The following MAP4K5 variants were observed in gnomAD, a reference collection of about 807,000 sequenced individuals.
MAP4K5 encodes the protein MAPK/ERK kinase kinase kinase 5.
MAP4K5 carries 82 observed loss-of-function variants against 135.6 expected under a neutral mutation model. The observed-to-expected ratio is 0.60, with a 90% CI of 0.51 to 0.73. The LOEUF (loss-of-function observed/expected upper bound fraction) is 0.73, where lower values mean the gene tolerates loss of function less well. Ranked by LOEUF, MAP4K5 falls within the 30% of genes least tolerant of loss-of-function variation. The pLI is 0.00. For synonymous variants in MAP4K5, 347 were observed against 335.0 expected (o/e 1.04, Z -0.39); for missense variants, 907 against 1,010.9 (o/e 0.90, Z 1.39).
At chr14:50,507,162 C>T (rs771184985) in intron 2 of MAP4K5, among the ~76,000 whole-genome samples, 1 of 152,188 alleles carries the variant, frequency 6.6e-6, no homozygotes, top group African/African-American at 2.4e-5. Context: ...TTTGCAGGAA[C>T]TTTCATATAC....
chr14:50,546,996 C>T (rs762103569), intron 1 of MAP4K5, among the ~76,000 whole-genome samples: 12 of 151,984 alleles, frequency 7.9e-5, no homozygotes, highest in Admixed American at 3.3e-4. Flanking sequence ...TAGCCCCCCA[C>T]CCCCCAACAG....
chr14:50,432,556 C>CAAAAAAA (rs56267301), intron 28 of MAP4K5, among the ~76,000 whole-genome samples: 1 of 139,910 alleles, frequency 7.1e-6, no homozygotes, highest in African/African-American at 3.0e-5. Flanking sequence ...ACAAAACTCT[C>CAAAAAAA]AAAAAAAAAA....
intron 31 of MAP4K5, 80 bp downstream of exon 31, chr14:50,425,825 CAG>C: frequency 1.1e-6 from 1 of 934,366 alleles, no homozygotes; most frequent in Admixed American, 2.1e-5. Context: ...AATGTAGGTT[CAG>C]AGAGGAAATG....
chr14:50,550,763 A>C (rs1197930450), intron 1 of MAP4K5, among the ~76,000 whole-genome samples: 1 of 152,262 alleles, frequency 6.6e-6, no homozygotes. Flanking sequence ...AAACTATACA[A>C]ATACATAGAA....
At chr14:50,481,230 T>G (rs1456185381) in intron 6 of MAP4K5, among the ~76,000 whole-genome samples, 2 of 151,330 alleles carry the variant, frequency 1.3e-5, no homozygotes, top group African/African-American at 4.8e-5. Flanking sequence ...TAGGTTTCTA[T>G]GTTATGTAAA....
At chr14:50,542,004 C>A in intron 2 of MAP4K5, among the ~76,000 whole-genome samples, 1 of 71,804 alleles carries the variant, frequency 1.4e-5, no homozygotes, top group African/African-American at 7.1e-5. Context: ...GAGATTCCGT[C>A]TCAAAAAAAA....
In MAP4K5 at chr14:50,501,372, T is replaced by G. The variant is rs376097486; in HGVS notation, c.166+3428A>C. On this transcript the variant is annotated intron_variant, in intron 3 of 32. Coordinates refer to ENST00000682126, the MANE Select transcript of MAP4K5 (RefSeq NM_006575.6). The stretch of plus-strand genomic sequence containing the variant: ...TCTCTGACAAAACTACAGAATTGTA[T>G]CTTACAAATTATCAGCAGTAAAAAT... 7.2e-5 allele frequency among the ~76,000 whole-genome samples: 11 copies of G among 152,186 alleles called. No homozygotes were observed. In the East Asian group the frequency reaches 7.7e-4, roughly 11 times the overall value.
At chr14:50,533,873 A>G (rs1313456253), upstream of MAP4K5, among the ~76,000 whole-genome samples, 1 of 152,246 alleles carries the variant, frequency 6.6e-6, no homozygotes, top group African/African-American at 2.4e-5. Context: ...CAGGGCATAT[A>G]TGTATTTTCT....
At chr14:50,475,602 G>A (rs1334034235) in intron 8 of MAP4K5, among the ~76,000 whole-genome samples, 1 of 152,074 alleles carries the variant, frequency 6.6e-6, no homozygotes, top group Non-Finnish European at 1.5e-5. Context: ...TGCTACTTGG[G>A]AGGATTAGGT....
chr14:50,476,652 G>C (rs2037106434), intron 6 of MAP4K5, among the ~76,000 whole-genome samples: 1 of 152,124 alleles, frequency 6.6e-6, no homozygotes, highest in Non-Finnish European at 1.5e-5. Flanking sequence ...AGTAGAGACG[G>C]GGTTTCACCA....
chr14:50,527,696 C>T (rs1287401005), intron 2 of MAP4K5, among the ~76,000 whole-genome samples: 2 of 152,050 alleles, frequency 1.3e-5, no homozygotes, highest in Admixed American at 6.6e-5. Context: ...CAAGAGACAT[C>T]TGTTTCTGTC....
chr14:50,490,736 G>C lies in MAP4K5; in HGVS notation c.167-4542C>G, dbSNP rs147820763. Reference sequence around the variant, plus strand: ...TATCTGGGGTCACCTTGAGGGGCTGGTCTTTGCTCCCAGTTTCACAGCTCT... The same window carrying C: ...TATCTGGGGTCACCTTGAGGGGCTGCTCTTTGCTCCCAGTTTCACAGCTCT... On this transcript the variant is annotated intron_variant, in intron 3 of 32. Coordinates refer to ENST00000682126, the MANE Select transcript of MAP4K5 (RefSeq NM_006575.6). 7.2e-5 allele frequency among the ~76,000 whole-genome samples: 11 copies of C among 152,280 alleles called. No individual in the cohort carries two copies. The East Asian group carries it at 2.1e-3, about 29-fold the overall frequency.
chr14:50,506,630 T>C lies in MAP4K5; in HGVS notation c.109-1773A>G, dbSNP rs1452029948. Among the ~76,000 whole-genome samples the C allele has an allele frequency of 2.0e-5, 3 of 152,240 alleles. No individual in the cohort carries two copies. The East Asian group carries it at 5.8e-4, about 29-fold the overall frequency. Reference sequence around the variant, plus strand: ...ATCTTGGCCTCCTGAAGTGCTGGGATTACAGTGAACCACCAGGCCTGGCAA... The same window carrying C: ...ATCTTGGCCTCCTGAAGTGCTGGGACTACAGTGAACCACCAGGCCTGGCAA... On this transcript the variant is annotated intron_variant, in intron 2 of 32. Transcript: ENST00000682126.
chr14:50,481,058 CTTTG>C (rs1052828897), intron 6 of MAP4K5, among the ~76,000 whole-genome samples: 1 of 150,362 alleles, frequency 6.7e-6, no homozygotes, highest in Non-Finnish European at 1.5e-5. Context: ...GCAAATTCGA[CTTTG>C]TTTTTTTTTT....
At position 50,446,110 on chromosome 14, in the gene MAP4K5, T is replaced by C; in HGVS notation, c.1154A>G (p.Lys385Arg). The part of the protein sequence containing the change: ...DGANTGKSTS[K>R]RAIPPPLPPK... ...AGGTAGGGGAGGTGGTATTGCACGT[T>C]TTGAGGTTGATCTAATACAAAGAAG... The change falls in exon 17 of 33, where the codon AAA (lysine) becomes AGA (arginine). Residue 385 changes from lysine (K) to arginine (R), a missense_variant. Lys to Arg is a conservative substitution (Grantham distance 26). This residue lies in a region of MAP4K5 where 690 missense variants were observed against 777.4 expected (regional missense o/e 0.89). Transcript: ENST00000682126. 5.7e-6 allele frequency: 9 copies of C among 1,574,478 alleles called. No homozygotes were observed. Among genetic ancestry groups the C allele is most frequent in the Non-Finnish European group, 7.7e-6 (9 of 1,163,250 alleles).
At chr14:50,493,608 T>C (rs1416629247) in intron 3 of MAP4K5, among the ~76,000 whole-genome samples, 1 of 152,104 alleles carries the variant, frequency 6.6e-6, no homozygotes, top group African/African-American at 2.4e-5. Context: ...TTAGCAAAAT[T>C]GTAAGATACA....
chr14:50,500,881 T>C (rs2037691912), intron 3 of MAP4K5, among the ~76,000 whole-genome samples: 1 of 152,178 alleles, frequency 6.6e-6, no homozygotes, highest in Non-Finnish European at 1.5e-5. Flanking sequence ...AAAGCAGGTT[T>C]GAGAAGAATA....
intron 2 of MAP4K5, among the ~76,000 whole-genome samples, chr14:50,506,104 G>GA (rs1352988716): frequency 5.9e-5 from 9 of 151,264 alleles, no homozygotes; most frequent in Non-Finnish European, 1.2e-4. Context: ...TCAAATGGCA[G>GA]AAAAAAACAA....
At chr14:50,421,955 G>A (rs1193708862) in intron 32 of MAP4K5, among the ~76,000 whole-genome samples, 3 of 150,466 alleles carry the variant, frequency 2.0e-5, no homozygotes, top group South Asian at 2.1e-4. Flanking sequence ...GCAGTGGTGC[G>A]ATCTTGGCTC....
Sources: allele counts gnomAD v4.1 joint callset (sites outside exome capture counted in the v4.1 genomes callset), GRCh38; gene constraint gnomAD v4.1.1; regional missense constraint gnomAD v4.1.1; transcripts MANE v1.5; gene names NCBI Gene and HGNC (gene_info 2026-07-23, HGNC 2026-07-21).